The following PRSS3 variants were observed in gnomAD, a reference collection of about 807,000 sequenced individuals.
The protein encoded by PRSS3 is serine protease 3, also known as trypsin-3.
Under a neutral mutation model 20.8 loss-of-function variants are expected in PRSS3, and 14 were observed. That is an observed-to-expected ratio of 0.67 (90% CI 0.44 to 1.05). PRSS3 has a LOEUF of 1.05. PRSS3 is among the 50% of genes least tolerant of loss of function. The pLI, the probability that PRSS3 is intolerant of heterozygous loss-of-function variation, is 0.00. For missense variants in PRSS3, 237 were observed against 306.4 expected (o/e 0.77, Z 1.69); for synonymous variants, 91 against 117.6 (o/e 0.77, Z 1.46).
intron 1 of PRSS3, among the ~76,000 whole-genome samples, chr9:33,779,017 G>C (rs1824064182): frequency 6.6e-6 from 1 of 152,192 alleles, no homozygotes; most frequent in African/African-American, 2.4e-5. Context: ...CCAGGTGCAA[G>C]AATTCACCCA....
chr9:33,780,495 G>A lies in PRSS3; in HGVS notation c.-52-14251G>A, dbSNP rs139073664. ...ACAGGCACTATAAATCAACTATGCT[G>A]TCAAGTCTACATAACAACCAGCTAA... On this transcript the variant is annotated intron_variant, in intron 1 of 5. Transcript: ENST00000342836. Among the ~76,000 whole-genome samples the A allele has an allele frequency of 5.1e-4, 78 of 152,278 alleles. 1 individual carries two copies. The East Asian group carries it at 0.013, about 26-fold the overall frequency.
intron 1 of PRSS3, among the ~76,000 whole-genome samples, chr9:33,766,018 A>G (rs1281441832): frequency 1.3e-5 from 2 of 152,224 alleles, no homozygotes; most frequent in Non-Finnish European, 2.9e-5. Flanking sequence ...CTGTAATCCC[A>G]GCACTTTGGG....
At chr9:33,754,738 G>A (rs1320891903) in intron 1 of PRSS3, among the ~76,000 whole-genome samples, 1 of 152,138 alleles carries the variant, frequency 6.6e-6, no homozygotes, top group African/African-American at 2.4e-5. Flanking sequence ...GGCTGAGGCA[G>A]GAGAATCGCT....
chr9:33,771,689 G>A (rs1019840074), intron 1 of PRSS3, among the ~76,000 whole-genome samples: 9 of 141,036 alleles, frequency 6.4e-5, no homozygotes, highest in African/African-American at 2.3e-4. Context: ...TGCCCAGGCT[G>A]GAGTGCAGTG....
intron 1 of PRSS3, among the ~76,000 whole-genome samples, chr9:33,754,037 T>TTTTTC (rs1157755264): frequency 1.3e-5 from 2 of 152,122 alleles, no homozygotes; most frequent in Admixed American, 6.5e-5. Context: ...CTTGTCTTTT[T>TTTTTC]TTTTCTTTTC....
At chr9:33,760,638 C>T (rs544756378) in intron 1 of PRSS3, among the ~76,000 whole-genome samples, 6 of 149,834 alleles carry the variant, frequency 4.0e-5, no homozygotes, top group East Asian at 2.0e-4. Context: ...CCCAGCTACT[C>T]GGGAGGCTGA....
chr9:33,754,093 G>A (rs1338259308), intron 1 of PRSS3, among the ~76,000 whole-genome samples: 3 of 147,206 alleles, frequency 2.0e-5, no homozygotes, highest in African/African-American at 2.5e-5. Context: ...TCTCTCTCTC[G>A]TCTCTTTCTT....
chr9:33,753,200 G>A (rs775109780), intron 1 of PRSS3, among the ~76,000 whole-genome samples: 3 of 151,942 alleles, frequency 2.0e-5, no homozygotes, highest in Non-Finnish European at 4.4e-5. Flanking sequence ...CACTTAATAT[G>A]TTTTCTGACT....
chr9:33,762,153 C>G (rs186081158), intron 1 of PRSS3: 1 of 152,146 alleles, frequency 6.6e-6, no homozygotes, highest in East Asian at 1.9e-4. Context: ...GGAACCAAAA[C>G]GAGCTGGGAG....
intron 1 of PRSS3, among the ~76,000 whole-genome samples, chr9:33,752,166 C>T (rs547005716): frequency 6.6e-6 from 1 of 152,138 alleles, no homozygotes; most frequent in South Asian, 2.1e-4. Flanking sequence ...CAGGCCACAC[C>T]TGTTCCCATT....
At chr9:33,795,794 T>A (rs1331318300) in intron 1 of PRSS3, among the ~76,000 whole-genome samples, 181 bp downstream of exon 1, 1 of 152,264 alleles carries the variant, frequency 6.6e-6, no homozygotes, top group Non-Finnish European at 1.5e-5. Flanking sequence ...ACCTTTTCCC[T>A]CATTTCACTC....
intron 1 of PRSS3, among the ~76,000 whole-genome samples, chr9:33,761,845 C>T (rs1403619627): frequency 2.6e-5 from 4 of 152,098 alleles, no homozygotes; most frequent in Admixed American, 6.5e-5. Flanking sequence ...TGCCACTGTA[C>T]TCCAGCCTGG....
intron 1 of PRSS3, among the ~76,000 whole-genome samples, chr9:33,763,438 G>A (rs747810838): frequency 5.9e-5 from 9 of 152,050 alleles, no homozygotes; most frequent in African/African-American, 2.2e-4. Context: ...GGTGGCTCAC[G>A]CCTGTAATCC....
chr9:33,786,033 A>G, intron 1 of PRSS3: 1 of 254,460 alleles, frequency 3.9e-6, no homozygotes, highest in South Asian at 9.2e-5. Context: ...GTGCATGAAG[A>G]CTCATCCTGA....
chr9:33,781,946 A>T (rs1387070989), intron 1 of PRSS3, among the ~76,000 whole-genome samples: 1 of 152,190 alleles, frequency 6.6e-6, no homozygotes, highest in African/African-American at 2.4e-5. Flanking sequence ...AATGCATTGC[A>T]GTCTTTGAAG....
In PRSS3 at chr9:33,799,224, T is replaced by C. The variant is rs772680208; in HGVS notation, c.*44T>C. 5 of 1,607,754 alleles carry C rather than the reference T, an allele frequency of 3.1e-6. No homozygotes were observed. The South Asian group carries it at 4.4e-5, about 14-fold the overall frequency. ...AGTCTCTATACCAATAAAGTGGCCC[T>C]GCTCTCACTCTGTGTCTGTGCCGGC... is the stretch of plus-strand genomic sequence containing the variant. On this transcript the variant is annotated 3_prime_UTR_variant, in exon 5 of 5. Coordinates refer to ENST00000379405, the MANE Select transcript of PRSS3 (RefSeq NM_002771.4).
rs374004371 is a variant in PRSS3, at chr9:33,798,532, C to G, written c.501C>G (p.Thr167=). The change falls in exon 4 of 5, where the codon ACC becomes ACG. Residue 167 remains threonine, a synonymous_variant. Transcript: ENST00000379405. ...AGTGCCTGGATGCTCCGGTGCTGAC[C>G]CAGGCTGAGTGTAAAGCCTCCTACC... ...ELKCLDAPVL[T]QAECKASYPG... 1.4e-5 allele frequency: 23 copies of G among 1,614,004 alleles called. No homozygotes were observed. Among genetic ancestry groups the G allele is most frequent in the Non-Finnish European group, 1.8e-5 (21 of 1,180,016 alleles).
intron 1 of PRSS3, among the ~76,000 whole-genome samples, chr9:33,774,237 C>T (rs1823824905): frequency 6.6e-6 from 1 of 152,150 alleles, no homozygotes; most frequent in Admixed American, 6.5e-5. Context: ...CCATCTCCTC[C>T]ACGTGTTCCA....
At chr9:33,759,700 T>C (rs1823098031) in intron 1 of PRSS3, among the ~76,000 whole-genome samples, 1 of 152,208 alleles carries the variant, frequency 6.6e-6, no homozygotes, top group Non-Finnish European at 1.5e-5. Flanking sequence ...CAGCAGGTTG[T>C]TGGATCTATG....
Sources: allele counts gnomAD v4.1 joint callset (sites outside exome capture counted in the v4.1 genomes callset), GRCh38; gene constraint gnomAD v4.1.1; transcripts MANE v1.5; gene names NCBI Gene and HGNC (gene_info 2026-07-23, HGNC 2026-07-21).